Variants in PIP5K1C observed in about 807,000 individuals in gnomAD.
PIP5K1C encodes phosphatidylinositol-4-phosphate 5-kinase type 1 gamma, also known as phosphatidylinositol 4-phosphate 5-kinase type-1 gamma.
In PIP5K1C, 45 loss-of-function variants were observed where a neutral mutation model predicts 80.1. The ratio of observed to expected loss-of-function variants is 0.56; its 90% CI spans 0.44 to 0.72. PIP5K1C has a LOEUF of 0.72. Among genes scored for constraint, PIP5K1C ranks in the 30% least tolerant of loss-of-function variants. PIP5K1C has a pLI of 0.00. For synonymous variants in PIP5K1C, 498 were observed against 420.1 expected (o/e 1.19, Z -2.27); for missense variants, 753 against 954.6 (o/e 0.79, Z 2.78).
chr19:3,649,885 G>A, intron 8 of PIP5K1C: 1 of 283,718 alleles, frequency 3.5e-6, no homozygotes, highest in Non-Finnish European at 6.9e-6. Flanking sequence ...CCCCTGCCCA[G>A]CGCGGTTAGT....
At chr19:3,675,597 G>C (rs2035332798) in intron 1 of PIP5K1C, among the ~76,000 whole-genome samples, 1 of 152,210 alleles carries the variant, frequency 6.6e-6, no homozygotes, top group Non-Finnish European at 1.5e-5. Flanking sequence ...GTATGGACCG[G>C]GATGGACAGT....
At chr19:3,646,142 T>G in intron 10 of PIP5K1C, 84 bp from the exon 11 acceptor site, 1 of 812,682 alleles carries the variant, frequency 1.2e-6, no homozygotes, top group Non-Finnish European at 2.2e-6. Flanking sequence ...ACGCTGTATG[T>G]GTGTGGGGGG....
At chr19:3,635,205 C>T (rs1462025089) in intron 16 of PIP5K1C, among the ~76,000 whole-genome samples, 1 of 152,244 alleles carries the variant, frequency 6.6e-6, no homozygotes, top group African/African-American at 2.4e-5. Flanking sequence ...CCCGGGCACA[C>T]ACAGCACGTG....
At position 3,696,614 on chromosome 19, in the gene PIP5K1C, T is replaced by TG. The variant is rs1208806887; in HGVS notation, c.94+3682dup. On this transcript the variant is annotated intron_variant, in intron 1 of 17. Coordinates refer to ENST00000335312, the MANE Select transcript of PIP5K1C (RefSeq NM_012398.3). This position sits in a 1 kb window ranked among gnomAD's most constrained non-coding sequence, Gnocchi z 4.1. ...GAGGAGGGGCATTCCGGGGTGGGGGTGGGGGGCAGCCGTGCAAAGGCCCCG... is the reference window on the plus strand; with the variant it reads ...GAGGAGGGGCATTCCGGGGTGGGGGTGGGGGGGCAGCCGTGCAAAGGCCCCG... Among the ~76,000 whole-genome samples the TG allele has an allele frequency of 1.6e-4, 2 of 12,534 alleles. No individual in the cohort carries two copies. Among genetic ancestry groups the TG allele is most frequent in the Non-Finnish European group, 3.4e-4 (2 of 5,918 alleles). The allele number at this position is 12,534 out of a possible 152,430, so 8.2% of individuals were successfully genotyped here. A position where few individuals can be genotyped will look rare whatever the true frequency, so the allele number is the denominator to read the frequency against.
chr19:3,690,624 A>T (rs908198859), intron 1 of PIP5K1C, among the ~76,000 whole-genome samples: 1 of 152,208 alleles, frequency 6.6e-6, no homozygotes, highest in African/African-American at 2.4e-5. Context: ...GGAAAGAGTG[A>T]TAAGTTTGAC....
In PIP5K1C at chr19:3,638,905, C is replaced by A. The variant is rs780522460; in HGVS notation, c.1899G>T (p.Ala633=). 2.5e-6 allele frequency: 4 copies of A among 1,612,694 alleles called. No individual in the cohort carries two copies. The highest frequency in any genetic ancestry group is 1.1e-5 in the South Asian group (1 of 91,076). ...TTACAAAGTAGATGTCGGTGGCGGG[C>A]GCGTCCTCCTCGTCCGAGGCCTGGC... ...PASQASDEED[A]PATDIYFPTD... is the part of the protein sequence containing the mutation. The change falls in exon 16 of 18, where the codon GCG becomes GCT. Residue 633 remains alanine, a synonymous_variant. Transcript: ENST00000335312.
rs2033432452 is a variant in PIP5K1C, at chr19:3,630,202, TAG to T, written c.*2963_*2964del. On this transcript the variant is annotated 3_prime_UTR_variant, in exon 18 of 18. Transcript: ENST00000335312. ...GGCGGATGCTTATTACCCGATTTATTAGAGAGATCTCTAAAAAGACGGGGTGT... is the reference window on the plus strand; with the variant it reads ...GGCGGATGCTTATTACCCGATTTATTAGAGATCTCTAAAAAGACGGGGTGT... The T allele has an allele frequency of 6.6e-6, 1 of 152,394 alleles. No homozygotes were observed. The highest frequency in any genetic ancestry group is 2.4e-5 in the African/African-American group (1 of 41,442). The allele number at this position is 152,394 out of a possible 1,614,324, so 9.4% of individuals were successfully genotyped here.
intron 1 of PIP5K1C, among the ~76,000 whole-genome samples, chr19:3,699,598 T>G (rs1456555675): frequency 6.6e-6 from 1 of 152,142 alleles, no homozygotes; most frequent in African/African-American, 2.4e-5. Context: ...GAAGGAACTG[T>G]TCCCTTCCTC....
intron 2 of PIP5K1C, among the ~76,000 whole-genome samples, chr19:3,666,798 T>C (rs895837800): frequency 2.7e-5 from 4 of 150,154 alleles, no homozygotes; most frequent in African/African-American, 9.9e-5. Flanking sequence ...CACACAAACG[T>C]GCACACACGC....
At chr19:3,658,938 C>A (rs1397424965) in intron 5 of PIP5K1C, among the ~76,000 whole-genome samples, 2 of 152,198 alleles carry the variant, frequency 1.3e-5, no homozygotes, top group African/African-American at 4.8e-5. Flanking sequence ...TGCTGGGGCT[C>A]TCGGCAGCTG....
chr19:3,676,225 C>T (rs1000470288), intron 1 of PIP5K1C, among the ~76,000 whole-genome samples: 5 of 152,156 alleles, frequency 3.3e-5, no homozygotes, highest in Non-Finnish European at 7.4e-5. Context: ...AGGCAGCACC[C>T]GACTGATGGT....
Position 3,632,846 on chromosome 19 carries a change from G to A in PIP5K1C, c.*321C>T. The A allele has an allele frequency of 2.5e-6, 1 of 396,776 alleles. No individual in the cohort carries two copies. Among genetic ancestry groups the A allele is most frequent in the Non-Finnish European group, 4.5e-6 (1 of 222,388 alleles). 24.6% of individuals were successfully genotyped at this position (396,776 alleles called of 1,614,324 possible). A position where few individuals can be genotyped will look rare whatever the true frequency, so the allele number is the denominator to read the frequency against. On this transcript the variant is annotated 3_prime_UTR_variant, in exon 18 of 18. Coordinates refer to ENST00000335312, the MANE Select transcript of PIP5K1C (RefSeq NM_012398.3). ...GCAGGGGCTCTTCTCCCTCTGGTTG[G>A]TTTGTTTGTGTCTTTTTTGTTCTTT...
chr19:3,685,909 G>A (rs1400909582), intron 1 of PIP5K1C, among the ~76,000 whole-genome samples: 3 of 151,908 alleles, frequency 2.0e-5, no homozygotes, highest in African/African-American at 7.2e-5. Flanking sequence ...TGTCACCCAG[G>A]CTGGAACACA....
chr19:3,648,785 G>T lies in PIP5K1C; in HGVS notation c.1128-77C>A, dbSNP rs1348493283. On this transcript the variant is annotated intron_variant, in intron 8 of 17. Transcript: ENST00000335312. This position sits in a 1 kb window ranked among gnomAD's most constrained non-coding sequence, Gnocchi z 4.3. ...GGGCAGGCGGGGCTGGGGACTCCAG[G>T]GCTAGGGAGTCCATCTGCTCCTGTG... The T allele has an allele frequency of 9.7e-6, 12 of 1,236,128 alleles. No individual in the cohort carries two copies. The South Asian group carries it at 1.5e-4, about 15-fold the overall frequency. 76.6% of individuals were successfully genotyped at this position (1,236,128 alleles called of 1,614,324 possible). A position where few individuals can be genotyped will look rare whatever the true frequency, so the allele number is the denominator to read the frequency against.
rs556422021 is a variant in PIP5K1C at position 3,631,578 on chromosome 19, G to C, written c.*1589C>G. Reference sequence around the variant, plus strand: ...ATGCTGGGAGCCACGCGGCTGGCCGGTTCCCGAGGAGGGTCGGCCCCTCTC... The same window carrying C: ...ATGCTGGGAGCCACGCGGCTGGCCGCTTCCCGAGGAGGGTCGGCCCCTCTC... On this transcript the variant is annotated 3_prime_UTR_variant, in exon 18 of 18. Transcript: ENST00000335312. 6.6e-6 allele frequency: 1 copy of C among 152,330 alleles called. No individual in the cohort carries two copies. Among genetic ancestry groups the C allele is most frequent in the Non-Finnish European group, 1.5e-5 (1 of 68,130 alleles). The allele number at this position is 152,330 out of a possible 1,614,324, so 9.4% of individuals were successfully genotyped here.
chr19:3,667,018 G>C (rs1427919769), intron 2 of PIP5K1C, among the ~76,000 whole-genome samples: 1 of 113,012 alleles, frequency 8.8e-6, no homozygotes, highest in Non-Finnish European at 1.7e-5. Flanking sequence ...CCAGAATCCA[G>C]GCTCCACGTG....
chr19:3,680,328 G>A (rs116763972), intron 1 of PIP5K1C, among the ~76,000 whole-genome samples: 1,655 of 152,182 alleles, frequency 0.011, 30 homozygotes, highest in African/African-American at 0.037. Context: ...CTTTTGAGAC[G>A]GAGTCCTGCT....
At chr19:3,699,991 C>A (rs1432151103) in intron 1 of PIP5K1C, among the ~76,000 whole-genome samples, 2 of 152,208 alleles carry the variant, frequency 1.3e-5, no homozygotes, top group Non-Finnish European at 2.9e-5. Context: ...CCCAAGCAGC[C>A]GCCACTCACA....
At chr19:3,653,730 G>A (rs530065004) in intron 6 of PIP5K1C, 141 bp from the exon 7 acceptor site, 15 of 758,054 alleles carry the variant, frequency 2.0e-5, no homozygotes, top group East Asian at 2.7e-5. Context: ...CGGGGACCCC[G>A]TTCCTATGCA....
Sources: gnomAD v4.1 joint callset for allele counts (sites outside exome capture counted in the v4.1 genomes callset) on GRCh38, gnomAD v4.1.1 for gene constraint, Gnocchi (gnomAD v3.1) non-coding constraint, MANE v1.5 for transcripts, NCBI Gene and HGNC (gene_info 2026-07-23, HGNC 2026-07-21) for gene names.